Variants in COL1A2 observed in about 807,000 individuals in gnomAD.
COL1A2 encodes the protein collagen type I alpha 2 chain.
In COL1A2, 49 loss-of-function variants were observed where a neutral mutation model predicts 174.3. The observed-to-expected ratio is 0.28, with a 90% CI of 0.22 to 0.36. The LOEUF is 0.36. COL1A2 is among the 10% of genes least tolerant of loss of function. The probability of loss-of-function intolerance (pLI) is 1.00; values close to 1 mark genes in which losing one functional copy is unlikely to be tolerated. For missense variants in COL1A2, 1,438 were observed against 1,822.7 expected (o/e 0.79, Z 3.84); for synonymous variants, 655 against 606.6 (o/e 1.08, Z -1.17).
At chr7:94,408,092 G>A (rs1791839093) in intron 13 of COL1A2, 91 bp from the exon 14 acceptor site, 1 of 1,390,786 alleles carries the variant, frequency 7.2e-7, no homozygotes, top group Non-Finnish European at 1.0e-6. Flanking sequence ...GTGTATTCTT[G>A]TACAGGTTGG....
Position 94,420,136 on chromosome 7 carries a change from A to G in COL1A2, c.2080-97A>G, listed in dbSNP as rs921336844. On this transcript the variant is annotated intron_variant, in intron 34 of 51. Coordinates refer to ENST00000297268, the MANE Select transcript of COL1A2 (RefSeq NM_000089.4). ...GTCAGTTATCTCTTCCAAGGCAACT[A>G]CAGACTCTGTCTGTCCACCACTGTT... 2.2e-5 allele frequency: 33 copies of G among 1,521,000 alleles called. 1 individual carries two copies. In the East Asian group the frequency reaches 5.6e-4, roughly 26 times the overall value. 94.2% of individuals were successfully genotyped at this position (1,521,000 alleles called of 1,614,324 possible).
At chr7:94,408,883 A>G in intron 16 of COL1A2, 60 bp downstream of exon 16, 1 of 1,450,240 alleles carries the variant, frequency 6.9e-7, no homozygotes, top group Non-Finnish European at 9.7e-7. Flanking sequence ...GATGTGAAAG[A>G]TTGGAACTGT....
At chr7:94,419,750 A>T (rs1013992817) in intron 34 of COL1A2, among the ~76,000 whole-genome samples, 199 bp downstream of exon 34, 3 of 152,174 alleles carry the variant, frequency 2.0e-5, no homozygotes, top group Non-Finnish European at 4.4e-5. Context: ...TTTGCCAGCT[A>T]TCTGATCTAT....
chr7:94,425,887 C>T (rs1448255751), intron 44 of COL1A2, 30 bp downstream of exon 44: 2 of 1,603,642 alleles, frequency 1.2e-6, no homozygotes, highest in South Asian at 1.1e-5. Flanking sequence ...TCCCTCAGTG[C>T]AGCATTCTCG....
At position 94,416,302 on chromosome 7, in the gene COL1A2, C is replaced by T; in HGVS notation, c.1765-103C>T. On this transcript the variant is annotated intron_variant, in intron 30 of 51. Transcript: ENST00000297268. The stretch of plus-strand genomic sequence containing the variant: ...AGAAATTTTAATTTGCTAATAAATG[C>T]AAACCAGGGCTCGGAAGCTACACAA... 5 of 1,010,534 alleles carry T rather than the reference C, an allele frequency of 4.9e-6. No individual in the cohort carries two copies. The Middle Eastern group carries it at 8.4e-4, about 169-fold the overall frequency. 62.6% of individuals were successfully genotyped at this position (1,010,534 alleles called of 1,614,324 possible).
intron 30 of COL1A2, among the ~76,000 whole-genome samples, chr7:94,415,783 A>T (rs139795544): frequency 1.2e-4 from 18 of 152,340 alleles, no homozygotes; most frequent in African/African-American, 4.1e-4. Flanking sequence ...GAACCAACTT[A>T]TAACAAGGTC....
At chr7:94,400,136 T>A (rs750541300) in intron 4 of COL1A2, 60 bp from the exon 5 acceptor site, 2 of 1,495,292 alleles carry the variant, frequency 1.3e-6, no homozygotes, top group Non-Finnish European at 1.9e-6. Context: ...TTACCACATA[T>A]AATTCTTAGG....
In COL1A2 at chr7:94,427,889, G is replaced by A. The variant is rs1284156162; in HGVS notation, c.3526+4G>A. 9.3e-6 allele frequency: 15 copies of A among 1,613,826 alleles called. No homozygotes were observed. Among genetic ancestry groups the A allele is most frequent in the East Asian group, 2.2e-5 (1 of 44,838 alleles). ...AGCCACCCAGAGTGGAGCAGTGGTA[G>A]GTCAAGATGTCCAGACCAGACTGAC... On this transcript the variant is annotated splice_donor_region_variant and intron_variant, in intron 49 of 51. Transcript: ENST00000297268.
chr7:94,409,874 C>A, intron 19 of COL1A2, 53 bp downstream of exon 19: 3 of 1,504,868 alleles, frequency 2.0e-6, no homozygotes, highest in East Asian at 2.3e-5. Flanking sequence ...CCTCTGCCAT[C>A]ATTTCATCAC....
In COL1A2 at chr7:94,405,217, G is replaced by A. The variant is rs1381927942; in HGVS notation, c.451G>A (p.Gly151Arg). Residue 151 changes from glycine (G) to arginine (R), a missense_variant, in exon 10 of 52, where the codon GGA (glycine) becomes AGA (arginine). Transcript: ENST00000297268. ...AGEDGHPGKPGRPGERGVVGP... is the reference protein window; with the variant it reads ...AGEDGHPGKPRRPGERGVVGP... ...TGTTTAGGGTCACCCTGGAAAACCC[G>A]GACGACCTGGTGAGAGAGGAGTTGT... The A allele has an allele frequency of 1.2e-6, 2 of 1,613,864 alleles. No individual in the cohort carries two copies. The highest frequency in any genetic ancestry group is 1.7e-5 in the Admixed American group (1 of 60,002).
In COL1A2 at chr7:94,409,704, A is replaced by G. The variant is rs779693879; in HGVS notation, c.937-19A>G. The G allele has an allele frequency of 6.2e-7, 1 of 1,613,948 alleles. No homozygotes were observed. The highest frequency in any genetic ancestry group is 1.7e-5 in the Admixed American group (1 of 60,014). On this transcript the variant is annotated intron_variant, in intron 18 of 51. Transcript: ENST00000297268. ...GCCCATCACCTCCCTAATGGACCAC[A>G]CTGCATTTTCCTTCACAGGGCCTTC...
intron 30 of COL1A2, among the ~76,000 whole-genome samples, 157 bp downstream of exon 30, chr7:94,415,427 T>A (rs1335629302): frequency 6.6e-6 from 1 of 152,224 alleles, no homozygotes; most frequent in Non-Finnish European, 1.5e-5. Flanking sequence ...TCTAAGTTGA[T>A]AGTAGAATTT....
At chr7:94,405,630 T>G (rs1791779822) in intron 10 of COL1A2, 43 bp from the exon 11 acceptor site, 1 of 1,533,836 alleles carries the variant, frequency 6.5e-7, no homozygotes. Flanking sequence ...TCTTTTTATT[T>G]ATGGTAAAAC....
chr7:94,418,348 A>G (rs1792084207), intron 32 of COL1A2, 151 bp from the exon 33 acceptor site: 3 of 668,928 alleles, frequency 4.5e-6, no homozygotes, highest in East Asian at 5.5e-5. Flanking sequence ...TTAACATTCT[A>G]CAGAATGGTA....
intron 27 of COL1A2, 70 bp downstream of exon 27, chr7:94,413,813 A>C: frequency 6.2e-7 from 1 of 1,610,192 alleles, no homozygotes; most frequent in Middle Eastern, 1.7e-4. Flanking sequence ...GGCCATCTCC[A>C]TTTTCAGTCC....
chr7:94,396,251 A>T (rs1394477260), intron 1 of COL1A2, among the ~76,000 whole-genome samples: 3 of 152,138 alleles, frequency 2.0e-5, no homozygotes, highest in East Asian at 3.9e-4. Flanking sequence ...AGTACTCCAA[A>T]AAGTTGTTCC....
chr7:94,421,869 CTG>C, intron 38 of COL1A2, 28 bp from the exon 39 acceptor site: 4 of 1,597,390 alleles, frequency 2.5e-6, no homozygotes, highest in Non-Finnish European at 3.4e-6. Context: ...TTGATGTTGA[CTG>C]TGGAATTCTA....
chr7:94,399,683 G>T (rs1056776166), intron 4 of COL1A2, among the ~76,000 whole-genome samples: 1 of 152,148 alleles, frequency 6.6e-6, no homozygotes, highest in African/African-American at 2.4e-5. Flanking sequence ...ATTAGAAATA[G>T]AATTAAATCA....
In COL1A2 at chr7:94,411,098, C is replaced by T; in HGVS notation, c.1294C>T (p.Arg432Ter). The T allele has an allele frequency of 1.2e-6, 2 of 1,604,278 alleles. No homozygotes were observed. The highest frequency in any genetic ancestry group is 2.2e-5 in the East Asian group (1 of 44,606). ...TGGTGCAAGTGGCCCTGCTGGAGTCCGAGGACCTAATGGAGATGCTGGTCG... is the reference window on the plus strand; with the variant it reads ...TGGTGCAAGTGGCCCTGCTGGAGTCTGAGGACCTAATGGAGATGCTGGTCG... ...SRGASGPAGV[R>*]GPNGDAGRPG... The change falls in exon 23 of 52, where the codon CGA (arginine) becomes TGA (stop). Residue 432 changes from arginine (R) to a stop codon, truncating the protein, a stop_gained. Transcript: ENST00000297268. LOFTEE classifies it high-confidence loss of function.
Sources: gnomAD v4.1 joint callset for allele counts (sites outside exome capture counted in the v4.1 genomes callset) on GRCh38, gnomAD v4.1.1 for gene constraint, MANE v1.5 for transcripts, NCBI Gene and HGNC (gene_info 2026-07-23, HGNC 2026-07-21) for gene names.